FOCAD: variants seen among roughly 807,000 people sequenced by gnomAD.
The protein encoded by FOCAD is KIAA1797.
FOCAD carries 198 observed loss-of-function variants against 225.6 expected under a neutral mutation model. The ratio of observed to expected loss-of-function variants is 0.88; its 90% CI spans 0.78 to 0.99. The LOEUF (loss-of-function observed/expected upper bound fraction) is 0.99. Ranked by LOEUF, FOCAD falls within the 50% of genes least tolerant of loss-of-function variation. FOCAD has a pLI of 0.00. For missense variants in FOCAD, 2,713 were observed against 2,123.6 expected (o/e 1.28, Z -5.46); for synonymous variants, 897 against 755.0 (o/e 1.19, Z -3.08).
chr9:20,978,545 A>AT, intron 37 of FOCAD, 91 bp downstream of exon 37: 1 of 823,286 alleles, frequency 1.2e-6, no homozygotes, highest in South Asian at 2.4e-5. Flanking sequence ...CTCAAAGTCA[A>AT]GAGGAGACAG....
chr9:20,990,731 T>C lies in FOCAD; in HGVS notation c.5256+357T>C, dbSNP rs527404090. On this transcript the variant is annotated intron_variant, in intron 42 of 43. Coordinates refer to ENST00000338382, the MANE Select transcript of FOCAD (RefSeq NM_001375567.1). ...GGTCGACGGGAAGGCAAATTCAGGA[T>C]TGCAAATCGTGTGATAAGTAAGATA... Among the ~76,000 whole-genome samples the C allele has an allele frequency of 7.2e-5, 11 of 152,228 alleles. No homozygotes were observed. In the South Asian group the frequency reaches 2.3e-3, roughly 32 times the overall value.
At chr9:20,891,520 T>C (rs575278290) in intron 21 of FOCAD, among the ~76,000 whole-genome samples, 2 of 152,276 alleles carry the variant, frequency 1.3e-5, no homozygotes, top group East Asian at 3.9e-4. Flanking sequence ...TATTGCTGAT[T>C]TAGAGAAACT....
At chr9:20,712,115 G>A (rs551152216) in intron 1 of FOCAD, among the ~76,000 whole-genome samples, 41 of 151,798 alleles carry the variant, frequency 2.7e-4, no homozygotes, top group Non-Finnish European at 4.9e-4. Flanking sequence ...TCTCCACTAC[G>A]ATCTCTCCCT....
chr9:20,876,554 C>G (rs1035814873), intron 19 of FOCAD, among the ~76,000 whole-genome samples: 2 of 151,884 alleles, frequency 1.3e-5, no homozygotes, highest in Admixed American at 6.6e-5. Context: ...TCAGTGCCTT[C>G]GACTGAGAAA....
intron 26 of FOCAD, among the ~76,000 whole-genome samples, chr9:20,928,772 G>A (rs897957891): frequency 6.6e-6 from 1 of 152,096 alleles, no homozygotes. Flanking sequence ...TTAATTAAAA[G>A]GAATTAACCC....
At chr9:20,760,111 G>T (rs1435524643) in intron 6 of FOCAD, among the ~76,000 whole-genome samples, 1 of 152,108 alleles carries the variant, frequency 6.6e-6, no homozygotes, top group African/African-American at 2.4e-5. Flanking sequence ...TCTTGTCCTG[G>T]TCAAATCCAG....
intron 22 of FOCAD, among the ~76,000 whole-genome samples, chr9:20,907,475 C>G (rs970291370): frequency 1.3e-5 from 2 of 152,032 alleles, no homozygotes; most frequent in African/African-American, 4.8e-5. Context: ...GAGTGCCAGT[C>G]TCCTCCATCC....
chr9:20,821,137 T>C, intron 14 of FOCAD, 66 bp downstream of exon 14: 1 of 1,485,616 alleles, frequency 6.7e-7, no homozygotes, highest in South Asian at 1.3e-5. Context: ...ATTTTTTAAT[T>C]GCAAGCAAGA....
chr9:20,841,085 A>C (rs1466887855), intron 15 of FOCAD, among the ~76,000 whole-genome samples: 1 of 151,888 alleles, frequency 6.6e-6, no homozygotes, highest in Non-Finnish European at 1.5e-5. Flanking sequence ...ACTTAGGATG[A>C]ATGATCTTTT....
chr9:20,753,030 A>G (rs1828711280), intron 5 of FOCAD, among the ~76,000 whole-genome samples: 2 of 151,894 alleles, frequency 1.3e-5, no homozygotes, highest in Non-Finnish European at 1.5e-5. Context: ...ACTTTGCTGA[A>G]GTTGCTTATC....
At chr9:20,824,881 T>G (rs1312507270) in intron 15 of FOCAD, among the ~76,000 whole-genome samples, 1 of 152,124 alleles carries the variant, frequency 6.6e-6, no homozygotes, top group Non-Finnish European at 1.5e-5. Flanking sequence ...GTAAATTATT[T>G]TATCGATGCT....
Position 20,986,302 on chromosome 9 carries a change from AGCTGCCTTT to A in FOCAD, c.4745_4753del (p.Ala1582_Phe1584del). 1 of 703,618 alleles carries A rather than the reference AGCTGCCTTT, an allele frequency of 1.4e-6. No individual in the cohort carries two copies. The highest frequency in any genetic ancestry group is 4.4e-5 in the Admixed American group (1 of 22,552). 43.6% of individuals were successfully genotyped at this position (703,618 alleles called of 1,614,324 possible). A position where few individuals can be genotyped will look rare whatever the true frequency, so the allele number is the denominator to read the frequency against. On this transcript the variant is annotated inframe_deletion, in exon 40 of 44. Coordinates refer to ENST00000338382, the MANE Select transcript of FOCAD (RefSeq NM_001375567.1). Reference sequence around the variant, plus strand: ...TTTTTTTGCAGAGCAACATAGAAAAAGCTGCCTTTGTCAAACTGTACTTAGTCTCTCAAG... The same window carrying A: ...TTTTTTTGCAGAGCAACATAGAAAAAGTCAAACTGTACTTAGTCTCTCAAG...
At chr9:20,804,338 A>G (rs1028024494) in intron 11 of FOCAD, among the ~76,000 whole-genome samples, 3 of 151,954 alleles carry the variant, frequency 2.0e-5, no homozygotes, top group African/African-American at 7.2e-5. Context: ...CACTAGCTTG[A>G]TAGAGAATTT....
At chr9:20,866,295 C>G (rs1001972513) in intron 17 of FOCAD, among the ~76,000 whole-genome samples, 4 of 151,944 alleles carry the variant, frequency 2.6e-5, no homozygotes, top group African/African-American at 9.7e-5. Flanking sequence ...AACAAGCATA[C>G]CAAACAAACA....
At chr9:20,883,827 T>C (rs971470109) in intron 20 of FOCAD, among the ~76,000 whole-genome samples, 2 of 152,094 alleles carry the variant, frequency 1.3e-5, no homozygotes, top group Admixed American at 6.5e-5. Flanking sequence ...AGGAAAATAA[T>C]CAGTATTTAA....
At chr9:20,735,693 T>G (rs1332848357) in intron 4 of FOCAD, among the ~76,000 whole-genome samples, 1 of 137,662 alleles carries the variant, frequency 7.3e-6, no homozygotes, top group Non-Finnish European at 1.5e-5. Context: ...TTTTTTAAGG[T>G]TTTTTTTTTT....
chr9:20,973,314 T>C (rs1394102385), intron 35 of FOCAD, among the ~76,000 whole-genome samples: 6 of 152,130 alleles, frequency 3.9e-5, no homozygotes, highest in African/African-American at 1.4e-4. Flanking sequence ...CCTGTTCTGC[T>C]TCCGTCTTCT....
intron 5 of FOCAD, among the ~76,000 whole-genome samples, chr9:20,744,978 AT>A (rs1412569247): frequency 6.6e-6 from 1 of 152,102 alleles, no homozygotes; most frequent in Non-Finnish European, 1.5e-5. Context: ...ACTAATTAAC[AT>A]TTTTTTAAAC....
intron 4 of FOCAD, among the ~76,000 whole-genome samples, chr9:20,730,971 C>T (rs945466654): frequency 3.9e-5 from 6 of 152,198 alleles, no homozygotes; most frequent in Admixed American, 6.5e-5. Context: ...CGCAGTGGCT[C>T]ACGCCTGTAA....
Sources: gnomAD v4.1 joint callset for allele counts (sites outside exome capture counted in the v4.1 genomes callset) on GRCh38, gnomAD v4.1.1 for gene constraint, MANE v1.5 for transcripts, NCBI Gene and HGNC (gene_info 2026-07-23, HGNC 2026-07-21) for gene names.